The following FAT1 variants were observed in gnomAD, a reference collection of about 807,000 sequenced individuals.
FAT1 encodes FAT atypical cadherin 1.
FAT1 carries 171 observed loss-of-function variants against 329.8 expected under a neutral mutation model. That is an observed-to-expected ratio of 0.52 (90% CI 0.46 to 0.59). FAT1 has a LOEUF of 0.59. Ranked by LOEUF, FAT1 falls within the 20% of genes least tolerant of loss-of-function variation. The pLI, the probability that FAT1 is intolerant of heterozygous loss-of-function variation, is 0.00. For synonymous variants in FAT1, 2,233 were observed against 2,228.6 expected (o/e 1.00, Z -0.06); for missense variants, 5,672 against 5,774.4 (o/e 0.98, Z 0.57).
intron 9 of FAT1, among the ~76,000 whole-genome samples, chr4:186,626,748 C>T (rs1416717726): frequency 1.4e-5 from 2 of 143,528 alleles, no homozygotes; most frequent in African/African-American, 2.6e-5. Flanking sequence ...GAGGGACCAA[C>T]ATGGCACCTG....
chr4:186,658,474 T>C (rs1022625376), intron 3 of FAT1, among the ~76,000 whole-genome samples: 11 of 152,218 alleles, frequency 7.2e-5, no homozygotes, highest in African/African-American at 2.2e-4. Context: ...GAAAAAGATA[T>C]TGAGGAGATG....
At chr4:186,683,032 G>A (rs1282777186) in intron 2 of FAT1, among the ~76,000 whole-genome samples, 1 of 152,192 alleles carries the variant, frequency 6.6e-6, no homozygotes. Flanking sequence ...ACAGACCACA[G>A]CCTCATGTCC....
chr4:186,667,545 T>A (rs893843736), intron 2 of FAT1, among the ~76,000 whole-genome samples: 1 of 152,190 alleles, frequency 6.6e-6, no homozygotes, highest in Non-Finnish European at 1.5e-5. Context: ...AATTATTACC[T>A]CTTTGTAAGA....
At chr4:186,700,909 C>T (rs1211632010) in intron 2 of FAT1, among the ~76,000 whole-genome samples, 2 of 152,178 alleles carry the variant, frequency 1.3e-5, no homozygotes, top group Non-Finnish European at 2.9e-5. Context: ...AGCATGAGGA[C>T]AAAGCCGGCC....
intron 3 of FAT1, among the ~76,000 whole-genome samples, chr4:186,657,292 T>C (rs1207694771): frequency 6.6e-6 from 1 of 152,150 alleles, no homozygotes; most frequent in Non-Finnish European, 1.5e-5. Flanking sequence ...ATATAAAGGA[T>C]ACACAGCAAT....
In FAT1 at chr4:186,620,106, C is replaced by T. The variant is rs2126512446; in HGVS notation, c.6480G>A (p.Gly2160=). Residue 2160 remains glycine, a synonymous_variant, in exon 10 of 27, where the codon GGG becomes GGA. Coordinates refer to ENST00000441802, the MANE Select transcript of FAT1 (RefSeq NM_005245.4). ...YLVTVVAKDG[G]NPAFSAEVIV... is the part of the protein sequence containing the mutation. ...TAACTTCCGCTGAAAAGGCCGGGTT[C>T]CCTCCATCTTTTGCAACCACTGTAA... The T allele has an allele frequency of 6.2e-7, 1 of 1,613,960 alleles. No homozygotes were observed. Among genetic ancestry groups the T allele is most frequent in the Non-Finnish European group, 8.5e-7 (1 of 1,179,878 alleles).
rs538158482 is a variant in FAT1, at chr4:186,641,963, C to T, written c.3581-2180G>A. ...AGGAGGCCACAGTGAGCCGAGATTG[C>T]GCCACAGCACTCCAGCCTGGGCGAC... On this transcript the variant is annotated intron_variant, in intron 3 of 26. Coordinates refer to ENST00000441802, the MANE Select transcript of FAT1 (RefSeq NM_005245.4). Among the ~76,000 whole-genome samples, 44 of 151,682 alleles carry T rather than the reference C, an allele frequency of 2.9e-4. 1 individual carries two copies. The highest frequency in any genetic ancestry group is 3.4e-3 in the Middle Eastern group (1 of 292).
rs1739120723 is a variant in FAT1, at chr4:186,606,090, T to G, written c.10330A>C (p.Asn3444His). 6.2e-7 allele frequency: 1 copy of G among 1,613,048 alleles called. No individual in the cohort carries two copies. ...NDNAPVFSRGNYSVIIQENKP... is the reference protein window; with the variant it reads ...NDNAPVFSRGHYSVIIQENKP... ...CCCACCTGGATAATGACACTGTAGT[T>G]TCCCCTGGAGAAGACGGGCGCGTTG... The change falls in exon 17 of 27, where the codon AAC becomes CAC. Residue 3444 changes from asparagine (N) to histidine (H), a missense_variant. By Grantham distance (68) the Asn-to-His change is moderately conservative. This residue lies in a region of FAT1 where 1,706 missense variants were observed against 1,859.1 expected (regional missense o/e 0.92). Coordinates refer to ENST00000441802, the MANE Select transcript of FAT1 (RefSeq NM_005245.4).
At chr4:186,611,872 G>A in intron 13 of FAT1, 97 bp from the exon 14 acceptor site, 4 of 906,316 alleles carry the variant, frequency 4.4e-6, no homozygotes, top group South Asian at 1.8e-5. Context: ...CGCCCAGGCT[G>A]GAGTGCAGTG....
rs1561006578 is a variant in FAT1 at position 186,706,702 on chromosome 4, T to G, written c.3126A>C (p.Thr1042=). 1 of 1,613,998 alleles carries G rather than the reference T, an allele frequency of 6.2e-7. No individual in the cohort carries two copies. Among genetic ancestry groups the G allele is most frequent in the Non-Finnish European group, 8.5e-7 (1 of 1,179,892 alleles). Residue 1042 remains threonine (T), a synonymous_variant, in exon 2 of 27, where the codon ACA becomes ACC. Coordinates refer to ENST00000441802, the MANE Select transcript of FAT1 (RefSeq NM_005245.4). ...PVFSSFVEKG[T]VKEDAPVGSL... is the part of the protein sequence containing the mutation. ...AACCAACAGGTGCATCTTCTTTCAC[T>G]GTCCCCTTTTCCACAAAGCTGGAAA...
chr4:186,652,384 T>C (rs938359084), intron 3 of FAT1, among the ~76,000 whole-genome samples: 2 of 152,180 alleles, frequency 1.3e-5, no homozygotes, highest in South Asian at 4.1e-4. Context: ...TCAGCAGCTA[T>C]AGAAAAACCA....
rs1458378222 is a variant in FAT1, at chr4:186,706,950, C to G, written c.2878G>C (p.Gly960Arg). Residue 960 changes from glycine to arginine, a missense_variant, in exon 2 of 27, where the codon GGT (glycine) becomes CGT (arginine). Transcript: ENST00000441802. ...TCCAGAAGGCTGTATCTCACCTGAC[C>G]AGACTGACCTAAATCAGGATCGTGG... Reference protein sequence around the residue: ...EAHDPDLGQSGQVRYSLLDHG... With the variant: ...EAHDPDLGQSRQVRYSLLDHG... The G allele has an allele frequency of 6.2e-7, 1 of 1,614,016 alleles. No homozygotes were observed. Among genetic ancestry groups the G allele is most frequent in the Non-Finnish European group, 8.5e-7 (1 of 1,179,886 alleles).
chr4:186,675,593 C>A (rs367563703), intron 2 of FAT1, among the ~76,000 whole-genome samples: 2 of 151,998 alleles, frequency 1.3e-5, no homozygotes, highest in African/African-American at 4.8e-5. Flanking sequence ...ATGGCAAAAC[C>A]CTGTCTCTAC....
intron 23 of FAT1, 61 bp from the exon 24 acceptor site, chr4:186,597,853 A>T: frequency 6.3e-7 from 1 of 1,575,758 alleles, no homozygotes; most frequent in Non-Finnish European, 8.7e-7. Context: ...AATACAGCAA[A>T]ACAGAAAGCA....
chr4:186,648,774 G>A (rs577671707), intron 3 of FAT1, among the ~76,000 whole-genome samples: 11 of 152,078 alleles, frequency 7.2e-5, no homozygotes, highest in African/African-American at 2.2e-4. Flanking sequence ...CCTTCTTCCC[G>A]CTCCATGCCA....
rs1174693783 is a variant in FAT1 at position 186,706,630 on chromosome 4, A to G, written c.3198T>C (p.Asp1066=). The part of the protein sequence containing the change: ...VSAHDEDARR[D]GEIRYSIRDG... ...CTCTAATGGAGTATCGGATCTCCCC[A>G]TCTCTTCTGGCGTCCTCATCATGAG... is the stretch of plus-strand genomic sequence containing the variant. The change falls in exon 2 of 27, where the codon GAT becomes GAC. Residue 1066 remains aspartate (D), a synonymous_variant. Transcript: ENST00000441802. 1 of 1,613,902 alleles carries G rather than the reference A, an allele frequency of 6.2e-7. No individual in the cohort carries two copies. The highest frequency in any genetic ancestry group is 8.5e-7 in the Non-Finnish European group (1 of 1,179,880).
chr4:186,640,253 AAAC>A (rs759272849), intron 3 of FAT1, among the ~76,000 whole-genome samples: 9 of 151,682 alleles, frequency 5.9e-5, no homozygotes, highest in Non-Finnish European at 8.8e-5. Flanking sequence ...TTTTGTCTAC[AAAC>A]AACAACATAC....
chr4:186,637,539 T>A (rs1393956539), intron 4 of FAT1, among the ~76,000 whole-genome samples: 1 of 152,210 alleles, frequency 6.6e-6, no homozygotes, highest in Non-Finnish European at 1.5e-5. Context: ...AAATAAGATT[T>A]TCGGTAAAAT....
At position 186,628,242 on chromosome 4, in the gene FAT1, C is replaced by T. The variant is rs776718847; in HGVS notation, c.4722G>A (p.Ser1574=). The T allele has an allele frequency of 1.9e-6, 3 of 1,613,804 alleles. No individual in the cohort carries two copies. Among genetic ancestry groups the T allele is most frequent in the East Asian group, 2.2e-5 (1 of 44,886 alleles). ...GCAACACAACTGAGCCAACGGCTGC[C>T]GATTCATAAACCCGCCCTTTGTAGG... ...ASSYKGRVYE[S]AAVGSVVLQV... is the part of the protein sequence containing the mutation. The change falls in exon 9 of 27, where the codon TCG becomes TCA. Residue 1574 remains serine, a synonymous_variant. Transcript: ENST00000441802.
Sources: allele counts gnomAD v4.1 joint callset (sites outside exome capture counted in the v4.1 genomes callset), GRCh38; gene constraint gnomAD v4.1.1; regional missense constraint gnomAD v4.1.1; transcripts MANE v1.5; gene names NCBI Gene and HGNC (gene_info 2026-07-23, HGNC 2026-07-21).